The following GPR137B variants were observed in gnomAD, a reference collection of about 807,000 sequenced individuals.
GPR137B encodes integral membrane protein GPR137B.
GPR137B carries 42 observed loss-of-function variants against 42.5 expected under a neutral mutation model. The observed-to-expected ratio is 0.99, with a 90% CI of 0.77 to 1.28. The LOEUF is 1.28. GPR137B is among the 50% of genes most tolerant of loss of function. The probability of loss-of-function intolerance (pLI) is 0.00; values close to 1 mark genes in which losing one functional copy is unlikely to be tolerated. For synonymous variants in GPR137B, 218 were observed against 209.7 expected (o/e 1.04, Z -0.34); for missense variants, 487 against 493.9 (o/e 0.99, Z 0.13).
At chr1:236,180,666 C>T (rs1242274531) in intron 4 of GPR137B, among the ~76,000 whole-genome samples, 5 of 144,462 alleles carry the variant, frequency 3.5e-5, no homozygotes, top group Non-Finnish European at 7.5e-5. Flanking sequence ...CGGAGTTTCA[C>T]TCTTGTTGCC....
At chr1:236,158,284 G>T (rs971050659) in intron 1 of GPR137B, among the ~76,000 whole-genome samples, 1 of 152,200 alleles carries the variant, frequency 6.6e-6, no homozygotes, top group Non-Finnish European at 1.5e-5. Context: ...GATTTGCCGG[G>T]TGTGGTTGCA....
chr1:236,208,034 T>C lies in GPR137B; in HGVS notation c.1092-16T>C, dbSNP rs764600013. 5 of 1,583,154 alleles carry C rather than the reference T, an allele frequency of 3.2e-6. No homozygotes were observed. The South Asian group carries it at 4.4e-5, about 14-fold the overall frequency. ...TATAATGTTTCAAGTCACTGAAATA[T>C]TTTTTTCTTTTTAAGTTTTGCTCCA... On this transcript the variant is annotated splice_polypyrimidine_tract_variant and intron_variant, in intron 6 of 6. Coordinates refer to ENST00000366592, the MANE Select transcript of GPR137B (RefSeq NM_003272.4).
intron 5 of GPR137B, among the ~76,000 whole-genome samples, chr1:236,201,911 T>C (rs1013625490): frequency 1.3e-5 from 2 of 152,152 alleles, no homozygotes; most frequent in African/African-American, 4.8e-5. Flanking sequence ...AACTCAAAGC[T>C]GCTGGTCAGA....
chr1:236,176,414 C>T (rs911515181), intron 2 of GPR137B, among the ~76,000 whole-genome samples: 3 of 152,060 alleles, frequency 2.0e-5, no homozygotes, highest in Non-Finnish European at 2.9e-5. Context: ...CTCATCTCTC[C>T]GATGCAAGTA....
intron 5 of GPR137B, among the ~76,000 whole-genome samples, chr1:236,200,962 G>A (rs576298107): frequency 6.6e-6 from 1 of 151,556 alleles, no homozygotes; most frequent in African/African-American, 2.4e-5. Context: ...TTCTATTCTG[G>A]TGTATTTTGA....
chr1:236,173,366 C>T (rs1323418556), intron 2 of GPR137B, among the ~76,000 whole-genome samples: 8 of 114,404 alleles, frequency 7.0e-5, no homozygotes, highest in South Asian at 2.9e-4. Flanking sequence ...AAGGAAGAAA[C>T]GAAGGAAGGG....
At chr1:236,168,379 C>G (rs914401347) in intron 1 of GPR137B, among the ~76,000 whole-genome samples, 1 of 149,102 alleles carries the variant, frequency 6.7e-6, no homozygotes, top group Non-Finnish European at 1.5e-5. Context: ...GCCGAGATGG[C>G]GCCATTGCAC....
chr1:236,204,320 T>G (rs1436588910), intron 5 of GPR137B, among the ~76,000 whole-genome samples: 1 of 152,234 alleles, frequency 6.6e-6, no homozygotes, highest in Non-Finnish European at 1.5e-5. Flanking sequence ...AGTATTTTGT[T>G]GAAGATTTTT....
intron 1 of GPR137B, among the ~76,000 whole-genome samples, chr1:236,164,480 G>A (rs1043269275): frequency 6.6e-6 from 1 of 152,208 alleles, no homozygotes. Flanking sequence ...GTCAGTGGGA[G>A]CCAGTGCAGA....
chr1:236,153,460 T>C (rs552398037), intron 1 of GPR137B, among the ~76,000 whole-genome samples: 3 of 152,368 alleles, frequency 2.0e-5, no homozygotes, highest in African/African-American at 7.2e-5. Flanking sequence ...ACTTCATTCC[T>C]TTATAAGGTT....
chr1:236,173,087 G>A lies in GPR137B; in HGVS notation c.464+4332G>A, dbSNP rs543782209. ...GTGGGAGCATCACTTGAGCCCAGGAGTTCAAGACCAGCCGTGACAACAGAG... is the reference window on the plus strand; with the variant it reads ...GTGGGAGCATCACTTGAGCCCAGGAATTCAAGACCAGCCGTGACAACAGAG... On this transcript the variant is annotated intron_variant, in intron 2 of 6. Transcript: ENST00000366592. Among the ~76,000 whole-genome samples, 225 of 151,398 alleles carry A rather than the reference G, an allele frequency of 1.5e-3. 1 individual carries two copies. The highest frequency in any genetic ancestry group is 4.8e-3 in the African/African-American group (200 of 41,374).
chr1:236,203,997 T>TA (rs2102927036), intron 5 of GPR137B, among the ~76,000 whole-genome samples: 1 of 152,368 alleles, frequency 6.6e-6, no homozygotes, highest in African/African-American at 2.4e-5. Context: ...TTCCACATCT[T>TA]AGAGGAAAGG....
chr1:236,181,769 G>A (rs1243682866), intron 4 of GPR137B, among the ~76,000 whole-genome samples: 1 of 152,058 alleles, frequency 6.6e-6, no homozygotes, highest in Non-Finnish European at 1.5e-5. Context: ...TGCTAAGGGC[G>A]TGCACTATTT....
chr1:236,142,564 T>C lies in GPR137B; in HGVS notation c.-59T>C. The C allele has an allele frequency of 1.0e-6, 1 of 964,794 alleles. No homozygotes were observed. The highest frequency in any genetic ancestry group is 1.4e-6 in the Non-Finnish European group (1 of 732,972). 59.8% of individuals were successfully genotyped at this position (964,794 alleles called of 1,614,324 possible). A position where few individuals can be genotyped will look rare whatever the true frequency, so the allele number is the denominator to read the frequency against. On this transcript the variant is annotated 5_prime_UTR_variant, in exon 1 of 7. Coordinates refer to ENST00000366592, the MANE Select transcript of GPR137B (RefSeq NM_003272.4). ...GTTTTCTTTCCTCCAGTCTCGGGGC[T>C]GCAGGCTGAGCGCGATGCGCGGAGA...
At chr1:236,173,049 T>G (rs1362840994) in intron 2 of GPR137B, among the ~76,000 whole-genome samples, 3 of 150,822 alleles carry the variant, frequency 2.0e-5, no homozygotes, top group African/African-American at 7.3e-5. Context: ...TCCCAGCACT[T>G]TGGGAGGCTG....
rs917446813 is a variant in GPR137B at position 236,206,291 on chromosome 1, G to A, written c.1091+1041G>A. Among the ~76,000 whole-genome samples, 6 of 152,298 alleles carry A rather than the reference G, an allele frequency of 3.9e-5. 1 individual carries two copies. The highest frequency in any genetic ancestry group is 3.9e-4 in the Admixed American group (6 of 15,304). The stretch of plus-strand genomic sequence containing the variant: ...TCTAGAGGGTAGGTAACTTGTCCAA[G>A]GTCACACAGCTAGCAAGTGATCAGG... On this transcript the variant is annotated intron_variant, in intron 6 of 6. Coordinates refer to ENST00000366592, the MANE Select transcript of GPR137B (RefSeq NM_003272.4).
At chr1:236,184,859 C>T (rs539705054) in intron 5 of GPR137B, among the ~76,000 whole-genome samples, 5 of 152,094 alleles carry the variant, frequency 3.3e-5, no homozygotes, top group South Asian at 2.1e-4. Context: ...CTCCGCCTCC[C>T]GGGTTTAAGC....
intron 1 of GPR137B, among the ~76,000 whole-genome samples, chr1:236,154,321 G>A (rs1261546402): frequency 6.6e-6 from 1 of 152,150 alleles, no homozygotes; most frequent in Admixed American, 6.5e-5. Flanking sequence ...TGAACAGCAC[G>A]CGTCATCCGT....
At chr1:236,179,833 G>T (rs534738767) in intron 3 of GPR137B, 46 bp from the exon 4 acceptor site, 19 of 1,458,538 alleles carry the variant, frequency 1.3e-5, no homozygotes, top group Non-Finnish European at 1.7e-5. Flanking sequence ...AGGGGCTGGT[G>T]TCTTGGACCT....
Sources: allele counts gnomAD v4.1 joint callset (sites outside exome capture counted in the v4.1 genomes callset), GRCh38; gene constraint gnomAD v4.1.1; transcripts MANE v1.5; gene names NCBI Gene and HGNC (gene_info 2026-07-23, HGNC 2026-07-21).